WDR88: variants seen among roughly 807,000 people sequenced by gnomAD.
WDR88 encodes WD repeat domain 88.
WDR88 carries 40 observed loss-of-function variants against 46.8 expected under a neutral mutation model. The ratio of observed to expected loss-of-function variants is 0.86; its 90% confidence interval spans 0.66 to 1.11. WDR88 has a LOEUF of 1.11. Among genes scored for constraint, WDR88 ranks in the 50% most tolerant of loss-of-function variants. The pLI, the probability that WDR88 is intolerant of heterozygous loss-of-function variation, is 0.00. For synonymous variants in WDR88, 235 were observed against 240.7 expected (o/e 0.98, Z 0.22); for missense variants, 562 against 602.4 (o/e 0.93, Z 0.70).
At chr19:33,135,014 C>A (rs1235067717) in intron 1 of WDR88, among the ~76,000 whole-genome samples, 1 of 142,544 alleles carries the variant, frequency 7.0e-6, no homozygotes, top group Non-Finnish European at 1.5e-5. Context: ...TTCCGCAGCT[C>A]AACCTGGGAC....
intron 9 of WDR88, among the ~76,000 whole-genome samples, chr19:33,164,596 G>T (rs1354144902): frequency 2.6e-5 from 4 of 152,164 alleles, no homozygotes. Flanking sequence ...ACTGCCCAAG[G>T]TCCGGGGGGG....
intron 9 of WDR88, among the ~76,000 whole-genome samples, chr19:33,165,460 GA>G (rs1450835452): frequency 2.6e-5 from 4 of 151,944 alleles, no homozygotes; most frequent in African/African-American, 9.7e-5. Context: ...AGGTTTACTT[GA>G]AATTATACAT....
chr19:33,168,972 G>A lies in WDR88; in HGVS notation c.1150-3376G>A, dbSNP rs1467040164. The stretch of plus-strand genomic sequence containing the variant: ...CAGAAATAAGGGATTTTTGACGAGG[G>A]TGCCGAGACCATTCAATGGAGAAAG... On this transcript the variant is annotated intron_variant, in intron 9 of 10. Transcript: ENST00000355868. Among the ~76,000 whole-genome samples the A allele has an allele frequency of 3.3e-5, 5 of 152,138 alleles. 1 individual carries two copies. The highest frequency in any genetic ancestry group is 3.3e-4 in the Admixed American group (5 of 15,270).
At chr19:33,149,127 C>G (rs1973579716) in intron 5 of WDR88, among the ~76,000 whole-genome samples, 1 of 152,116 alleles carries the variant, frequency 6.6e-6, no homozygotes, top group Admixed American at 6.6e-5. Flanking sequence ...TGAGACCAGC[C>G]TGGGCAACAG....
intron 9 of WDR88, among the ~76,000 whole-genome samples, chr19:33,169,129 TA>T (rs1973997707): frequency 6.6e-6 from 1 of 152,138 alleles, no homozygotes; most frequent in Non-Finnish European, 1.5e-5. Context: ...AGCTAAACTA[TA>T]AAACCCTTAG....
Position 33,138,066 on chromosome 19 carries a change from C to T in WDR88, c.387+279C>T, listed in dbSNP as rs1238121389. On this transcript the variant is annotated intron_variant, in intron 2 of 10. Transcript: ENST00000355868. Reference sequence around the variant, plus strand: ...TTTTTTTTTTTTTGAGACGGAGTTTCGCTCTTGTTACCCAGGCTGGAGTGC... The same window carrying T: ...TTTTTTTTTTTTTGAGACGGAGTTTTGCTCTTGTTACCCAGGCTGGAGTGC... Among the ~76,000 whole-genome samples the T allele has an allele frequency of 4.7e-5, 7 of 150,052 alleles. No homozygotes were observed. In the South Asian group the frequency reaches 6.3e-4, roughly 13 times the overall value.
chr19:33,168,354 T>A (rs1973987947), intron 9 of WDR88, among the ~76,000 whole-genome samples: 1 of 152,140 alleles, frequency 6.6e-6, no homozygotes, highest in Non-Finnish European at 1.5e-5. Context: ...ATAGGTGGCA[T>A]GATCGTAAAT....
At chr19:33,165,721 C>T (rs917567355) in intron 9 of WDR88, among the ~76,000 whole-genome samples, 1 of 150,132 alleles carries the variant, frequency 6.7e-6, no homozygotes, top group Non-Finnish European at 1.5e-5. Context: ...GGTGAAGCCC[C>T]GTCTTTACTA....
rs560619377 is a variant in WDR88, at chr19:33,142,050, C to T, written c.388-2794C>T. Among the ~76,000 whole-genome samples the T allele has an allele frequency of 1.4e-4, 22 of 152,114 alleles. No individual in the cohort carries two copies. In the South Asian group the frequency reaches 1.5e-3, roughly 10 times the overall value. On this transcript the variant is annotated intron_variant, in intron 2 of 10. Transcript: ENST00000355868. ...TGTTGCTGGGGGCAGGGACTGGAAACGGGGTCAGTGGGTGAGGCAGAGAGG... is the reference window on the plus strand; with the variant it reads ...TGTTGCTGGGGGCAGGGACTGGAAATGGGGTCAGTGGGTGAGGCAGAGAGG...
At chr19:33,146,851 C>G (rs539864858) in intron 3 of WDR88, among the ~76,000 whole-genome samples, 30 of 152,014 alleles carry the variant, frequency 2.0e-4, no homozygotes, top group Non-Finnish European at 2.8e-4. Flanking sequence ...ACCGAATGGT[C>G]CCTAGGGTGG....
rs542523451 is a variant in WDR88, at chr19:33,157,617, A to G, written c.997+1075A>G. Reference sequence around the variant, plus strand: ...TGTGTATATATGTATATATATGTGTATATATATATGTATGTGTATATATGT... The same window carrying G: ...TGTGTATATATGTATATATATGTGTGTATATATATGTATGTGTATATATGT... On this transcript the variant is annotated intron_variant, in intron 7 of 10. Transcript: ENST00000355868. Among the ~76,000 whole-genome samples, 245 of 142,012 alleles carry G rather than the reference A, an allele frequency of 1.7e-3. 1 individual carries two copies. Among genetic ancestry groups the G allele is most frequent in the Admixed American group, 4.4e-3 (60 of 13,792 alleles). The allele number at this position is 142,012 out of a possible 152,430, so 93.2% of individuals were successfully genotyped here. A position where few individuals can be genotyped will look rare whatever the true frequency, so the allele number is the denominator to read the frequency against.
intron 6 of WDR88, among the ~76,000 whole-genome samples, chr19:33,153,229 GTT>G (rs35860325): frequency 0.079 from 10,173 of 129,462 alleles, 535 homozygotes; most frequent in Admixed American, 0.21. Context: ...TTTTAAGTTT[GTT>G]TTTTTTTTTT....
At chr19:33,160,562 C>A in intron 8 of WDR88, 66 bp downstream of exon 8, 1 of 1,545,514 alleles carries the variant, frequency 6.5e-7, no homozygotes, top group Non-Finnish European at 8.9e-7. Flanking sequence ...GTGCTCAATG[C>A]TGGTTGCTGG....
chr19:33,148,933 T>C (rs753706651), intron 5 of WDR88, 23 bp downstream of exon 5: 36 of 1,613,580 alleles, frequency 2.2e-5, no homozygotes, highest in Non-Finnish European at 3.0e-5. Context: ...GGGCTCCCTG[T>C]ATCTTCAGTC....
chr19:33,171,827 G>A (rs2145426190), intron 9 of WDR88, among the ~76,000 whole-genome samples: 1 of 152,282 alleles, frequency 6.6e-6, no homozygotes, highest in East Asian at 1.9e-4. Flanking sequence ...AGGCTTGAGT[G>A]CAGTGGTGCG....
At chr19:33,141,567 T>C (rs544137810) in intron 2 of WDR88, among the ~76,000 whole-genome samples, 143 of 152,120 alleles carry the variant, frequency 9.4e-4, no homozygotes, top group Non-Finnish European at 1.6e-3. Context: ...AAGGTGGCAA[T>C]ATATTAGAGG....
rs1167168042 is a variant in WDR88, at chr19:33,135,900, TA to T, written c.277-1776del. ...CTTTCTTTCTTTCTTTCTTTTCTTTTATTTTTTAAGACGAAGTCTTGCTCTG... is the reference window on the plus strand; with the variant it reads ...CTTTCTTTCTTTCTTTCTTTTCTTTTTTTTTTAAGACGAAGTCTTGCTCTG... On this transcript the variant is annotated intron_variant, in intron 1 of 10. Transcript: ENST00000355868. 9.3e-5 allele frequency among the ~76,000 whole-genome samples: 14 copies of T among 150,576 alleles called. No homozygotes were observed. The South Asian group carries it at 1.7e-3, about 18-fold the overall frequency.
At chr19:33,157,689 A>ATGTGTG (rs1253931242) in intron 7 of WDR88, among the ~76,000 whole-genome samples, 1 of 912 alleles carries the variant, frequency 1.1e-3, no homozygotes, top group African/African-American at 3.1e-3. Flanking sequence ...GTATGTATGT[A>ATGTGTG]TATATATATA....
chr19:33,133,637 G>A (rs1973186286), intron 1 of WDR88, among the ~76,000 whole-genome samples: 1 of 152,178 alleles, frequency 6.6e-6, no homozygotes, highest in Admixed American at 6.6e-5. Context: ...TAATTTCCTC[G>A]AAACCTCTGC....
Sources: allele counts gnomAD v4.1 joint callset (sites outside exome capture counted in the v4.1 genomes callset), GRCh38; gene constraint gnomAD v4.1.1; transcripts MANE v1.5; gene names NCBI Gene and HGNC (gene_info 2026-07-23, HGNC 2026-07-21).